Variants in EXOC4 observed in about 807,000 individuals in gnomAD.
EXOC4 encodes the protein SEC8-like 1.
EXOC4 carries 71 observed loss-of-function variants against 107.2 expected under a neutral mutation model. That is an observed-to-expected ratio of 0.66 (90% CI 0.55 to 0.81). The LOEUF (loss-of-function observed/expected upper bound fraction) is 0.81. Among genes scored for constraint, EXOC4 ranks in the 30% least tolerant of loss-of-function variants. EXOC4 has a pLI of 0.00. For missense variants in EXOC4, 1,108 were observed against 1,189.6 expected (o/e 0.93, Z 1.01); for synonymous variants, 456 against 441.2 (o/e 1.03, Z -0.42).
chr7:133,616,518 A>G (rs1802198756), intron 9 of EXOC4, among the ~76,000 whole-genome samples: 1 of 152,150 alleles, frequency 6.6e-6, no homozygotes, highest in East Asian at 1.9e-4. Context: ...ACTTGTTTTG[A>G]GGTAAATAAT....
rs1239756416 is a variant in EXOC4, at chr7:133,787,375, G to A, written c.1515-29950G>A. On this transcript the variant is annotated intron_variant, in intron 10 of 17. Coordinates refer to ENST00000253861, the MANE Select transcript of EXOC4 (RefSeq NM_021807.4). ...TGTGTGTGTGTGTGTGTGTGTGTGT[G>A]TGTGTGTGTGTGTGAGATGAGGTCT... Among the ~76,000 whole-genome samples the A allele has an allele frequency of 1.5e-4, 3 of 20,540 alleles. 1 individual carries two copies. The South Asian group carries it at 0.011, about 75-fold the overall frequency. 13.5% of individuals were successfully genotyped at this position (20,540 alleles called of 152,430 possible).
chr7:134,000,110 A>G (rs1328662014), intron 15 of EXOC4, among the ~76,000 whole-genome samples: 1 of 152,134 alleles, frequency 6.6e-6, no homozygotes, highest in Non-Finnish European at 1.5e-5. Flanking sequence ...TCACTTCCTC[A>G]TGTAACATGG....
At chr7:133,886,852 G>A (rs979554139) in intron 11 of EXOC4, among the ~76,000 whole-genome samples, 4 of 152,094 alleles carry the variant, frequency 2.6e-5, no homozygotes, top group African/African-American at 9.7e-5. Flanking sequence ...CCACTGATTT[G>A]GAAATTGTTA....
In EXOC4 at chr7:133,933,011, C is replaced by T. The variant is rs575635602; in HGVS notation, c.2028-4880C>T. Reference sequence around the variant, plus strand: ...ATCCCTGAAACCTTTTGTAATGTTTCGTTCATAATTGCATCAGGTCTGCTG... The same window carrying T: ...ATCCCTGAAACCTTTTGTAATGTTTTGTTCATAATTGCATCAGGTCTGCTG... On this transcript the variant is annotated intron_variant, in intron 13 of 17. Transcript: ENST00000253861. 3.5e-4 allele frequency among the ~76,000 whole-genome samples: 53 copies of T among 151,282 alleles called. 2 individuals are homozygous for T. In the South Asian group the frequency reaches 7.2e-3, roughly 20 times the overall value.
the EXOC4 span, among the ~76,000 whole-genome samples, chr7:134,074,876 C>A: frequency 6.1e-4 from 93 of 152,312 alleles, no homozygotes; most frequent in African/African-American, 2.1e-3. Context: ...TGATTGTAGA[C>A]TATCGTTAGT....
At chr7:133,945,267 G>A (rs1342322940) in intron 14 of EXOC4, among the ~76,000 whole-genome samples, 1 of 152,098 alleles carries the variant, frequency 6.6e-6, no homozygotes, top group Middle Eastern at 3.2e-3. Flanking sequence ...CATATCCCCA[G>A]GCAATTTTAA....
chr7:134,090,443 C>T, the EXOC4 span, among the ~76,000 whole-genome samples: 1 of 152,194 alleles, frequency 6.6e-6, no homozygotes. Flanking sequence ...CAGAAAAATG[C>T]ACAAAGCACA....
At chr7:133,632,667 A>G (rs952081123) in intron 10 of EXOC4, among the ~76,000 whole-genome samples, 2 of 152,128 alleles carry the variant, frequency 1.3e-5, no homozygotes, top group African/African-American at 4.8e-5. Flanking sequence ...TTTTATTAGT[A>G]CTATTATAAT....
intron 10 of EXOC4, among the ~76,000 whole-genome samples, chr7:133,737,925 T>TTTTTTTTTTA: frequency 6.9e-6 from 1 of 145,480 alleles, no homozygotes; most frequent in South Asian, 2.2e-4. Context: ...TTTTTTTTTT[T>TTTTTTTTTTA]TTTTGAGACG....
At chr7:133,482,515 G>T (rs1490937985) in intron 9 of EXOC4, among the ~76,000 whole-genome samples, 1 of 152,106 alleles carries the variant, frequency 6.6e-6, no homozygotes, top group East Asian at 1.9e-4. Flanking sequence ...TTTCAGTCCT[G>T]CCCCAGTGGT....
chr7:133,601,333 CTGTA>C (rs552570010), intron 9 of EXOC4, among the ~76,000 whole-genome samples: 2 of 150,802 alleles, frequency 1.3e-5, no homozygotes, highest in Non-Finnish European at 3.0e-5. Context: ...CTTTGGAGGC[CTGTA>C]TGTATGTATG....
At chr7:133,586,134 T>C (rs1043979374) in intron 9 of EXOC4, among the ~76,000 whole-genome samples, 14 of 91,538 alleles carry the variant, frequency 1.5e-4, no homozygotes, top group Admixed American at 7.8e-4. Context: ...GTTTGTTAGA[T>C]AGGTAAATTG....
chr7:133,606,793 G>A (rs1801959712), intron 9 of EXOC4, among the ~76,000 whole-genome samples: 1 of 152,102 alleles, frequency 6.6e-6, no homozygotes, highest in South Asian at 2.1e-4. Context: ...TAGGATTATA[G>A]GTGTGAGCCA....
chr7:133,827,046 A>G (rs1282789650), intron 11 of EXOC4, among the ~76,000 whole-genome samples: 2 of 152,226 alleles, frequency 1.3e-5, no homozygotes, highest in African/African-American at 4.8e-5. Flanking sequence ...TGAACATACA[A>G]AGAGATACAT....
At chr7:134,076,157 G>T in the EXOC4 span, among the ~76,000 whole-genome samples, 5 of 152,098 alleles carry the variant, frequency 3.3e-5, no homozygotes, top group African/African-American at 7.2e-5. Context: ...AAATTTAGAG[G>T]CTGAAGGATG....
At chr7:133,919,243 C>T (rs1420220024) in intron 13 of EXOC4, among the ~76,000 whole-genome samples, 2 of 152,112 alleles carry the variant, frequency 1.3e-5, no homozygotes, top group East Asian at 3.8e-4. Flanking sequence ...TTTAGGTTTA[C>T]AGAAAAACTT....
chr7:133,921,928 G>T (rs1799945575), intron 13 of EXOC4, among the ~76,000 whole-genome samples: 1 of 151,858 alleles, frequency 6.6e-6, no homozygotes, highest in South Asian at 2.1e-4. Flanking sequence ...TTCTCTTTCT[G>T]GTTCAGTTTT....
intron 10 of EXOC4, among the ~76,000 whole-genome samples, chr7:133,697,367 T>C (rs1794558791): frequency 6.6e-6 from 1 of 152,214 alleles, no homozygotes; most frequent in African/African-American, 2.4e-5. Context: ...GATTATCTTA[T>C]TTCACTTAAT....
intron 10 of EXOC4, among the ~76,000 whole-genome samples, chr7:133,706,184 C>T (rs1430417753): frequency 6.6e-6 from 1 of 152,178 alleles, no homozygotes; most frequent in African/African-American, 2.4e-5. Flanking sequence ...AAGTGCAATT[C>T]TGTATCTGTG....
Sources: gnomAD v4.1 joint callset for allele counts (sites outside exome capture counted in the v4.1 genomes callset) on GRCh38, gnomAD v4.1.1 for gene constraint, MANE v1.5 for transcripts, NCBI Gene and HGNC (gene_info 2026-07-23, HGNC 2026-07-21) for gene names.